BAZ1B: variants seen among roughly 807,000 people sequenced by gnomAD.
The protein encoded by BAZ1B is bromodomain adjacent to zinc finger domain 1B.
A neutral mutation model predicts 153.8 loss-of-function variants in BAZ1B; 22 were observed. The observed-to-expected ratio is 0.14, with a 90% CI of 0.10 to 0.20. BAZ1B has a LOEUF of 0.20. Ranked by LOEUF, BAZ1B falls within the 10% of genes least tolerant of loss-of-function variation. The pLI is 1.00. For missense variants in BAZ1B, 1,325 were observed against 1,799.3 expected, an observed-to-expected ratio of 0.74 and a Z score of 4.77; for synonymous variants, 676 against 633.4, an observed-to-expected ratio of 1.07 and a Z score of -1.01.
intron 17 of BAZ1B, among the ~76,000 whole-genome samples, chr7:73,443,388 G>T (rs1787702504): frequency 6.6e-6 from 1 of 151,708 alleles, no homozygotes; most frequent in African/African-American, 2.4e-5. Context: ...CATAACAAAA[G>T]CTGTGATTCA....
chr7:73,496,135 GAAGT>G (rs1408009107), intron 4 of BAZ1B, among the ~76,000 whole-genome samples: 2 of 152,192 alleles, frequency 1.3e-5, no homozygotes, highest in East Asian at 3.8e-4. Flanking sequence ...TATAGAGGCA[GAAGT>G]AAGACCACAA....
intron 10 of BAZ1B, 71 bp from the exon 11 acceptor site, chr7:73,465,608 G>T: frequency 1.0e-6 from 1 of 973,932 alleles, no homozygotes; most frequent in Non-Finnish European, 1.5e-6. Flanking sequence ...CTAAGCAAGG[G>T]ATCTAGAGTT....
intron 5 of BAZ1B, among the ~76,000 whole-genome samples, chr7:73,490,109 A>C (rs1481253229): frequency 1.3e-5 from 2 of 152,282 alleles, no homozygotes; most frequent in East Asian, 1.9e-4. Flanking sequence ...AATTCATCAG[A>C]ATCATCTAGG....
At position 73,492,054 on chromosome 7, in the gene BAZ1B, G is replaced by A. The variant is rs564717045; in HGVS notation, c.693+746C>T. Among the ~76,000 whole-genome samples the A allele has an allele frequency of 1.3e-4, 20 of 149,940 alleles. 1 individual carries two copies. Among genetic ancestry groups the A allele is most frequent in the Admixed American group, 1.0e-3 (15 of 14,972 alleles). On this transcript the variant is annotated intron_variant, in intron 5 of 19. Transcript: ENST00000339594. ...GTTGCCCAGGCTGGAGTGCAGGGGCGCAATCTCAACTCACTGCAACCTCCG... is the reference window on the plus strand; with the variant it reads ...GTTGCCCAGGCTGGAGTGCAGGGGCACAATCTCAACTCACTGCAACCTCCG...
chr7:73,511,010 G>A (rs1268741708), intron 1 of BAZ1B, among the ~76,000 whole-genome samples, 158 bp from the exon 2 acceptor site: 14 of 152,142 alleles, frequency 9.2e-5, no homozygotes, highest in Non-Finnish European at 1.3e-4. Context: ...AGTGGTTCAC[G>A]CCTGTAATCC....
intron 4 of BAZ1B, among the ~76,000 whole-genome samples, chr7:73,497,695 G>A (rs1314298285): frequency 2.7e-5 from 4 of 149,124 alleles, no homozygotes; most frequent in African/African-American, 1.0e-4. Context: ...TGGGTTAAGT[G>A]CCATAAAAAA....
At chr7:73,495,750 G>A (rs968812237) in intron 4 of BAZ1B, among the ~76,000 whole-genome samples, 12 of 152,298 alleles carry the variant, frequency 7.9e-5, no homozygotes, top group African/African-American at 2.6e-4. Context: ...TGAAGCTGGA[G>A]GCTATTATCC....
chr7:73,442,766 G>T lies in BAZ1B; in HGVS notation c.4053C>A (p.Ile1351=). 1 of 1,614,214 alleles carries T rather than the reference G, an allele frequency of 6.2e-7. No individual in the cohort carries two copies. Among genetic ancestry groups the T allele is most frequent in the Non-Finnish European group, 8.5e-7 (1 of 1,180,030 alleles). The change falls in exon 18 of 20, where the codon ATC becomes ATA. Residue 1351 remains isoleucine, a synonymous_variant. Coordinates refer to ENST00000339594, the MANE Select transcript of BAZ1B (RefSeq NM_032408.4). ...QSLELQKCEE[I]LHKIVKYRFS... is the part of the protein sequence containing the mutation. ...AGCGGTACTTCACGATCTTGTGGAG[G>T]ATCTCTTCACACTTCTGCAGCTCCA...
At chr7:73,488,714 C>CAAAAAAAAAAAAAAAAAAAA (rs35812071) in intron 6 of BAZ1B, among the ~76,000 whole-genome samples, 1 of 59,266 alleles carries the variant, frequency 1.7e-5, no homozygotes, top group Non-Finnish European at 3.5e-5. Context: ...GACTCCAACT[C>CAAAAAAAAAAAAAAAAAAAA]AAAAAAAAAA....
At chr7:73,443,019 G>C (rs1286832583) in intron 17 of BAZ1B, among the ~76,000 whole-genome samples, 191 bp from the exon 18 acceptor site, 15 of 152,290 alleles carry the variant, frequency 9.8e-5, no homozygotes, top group Admixed American at 2.6e-4. Flanking sequence ...CTTCCCAGTA[G>C]TCCACTCACT....
At chr7:73,445,680 G>A (rs1787807246) in intron 16 of BAZ1B, among the ~76,000 whole-genome samples, 1 of 152,066 alleles carries the variant, frequency 6.6e-6, no homozygotes, top group Non-Finnish European at 1.5e-5. Context: ...AGACCAGCCT[G>A]GGAAACATGG....
At chr7:73,514,589 C>T (rs187577479) in intron 1 of BAZ1B, among the ~76,000 whole-genome samples, 3 of 150,662 alleles carry the variant, frequency 2.0e-5, no homozygotes, top group Admixed American at 6.6e-5. Flanking sequence ...GCACGAACAT[C>T]GCTCAAGCCC....
chr7:73,485,256 C>T lies in BAZ1B; in HGVS notation c.891+3938G>A, dbSNP rs545661912. Among the ~76,000 whole-genome samples, 12 of 152,026 alleles carry T rather than the reference C, an allele frequency of 7.9e-5. No homozygotes were observed. In the South Asian group the frequency reaches 2.5e-3, roughly 32 times the overall value. ...CAATGTTTTTAAGAAATTCATATTC[C>T]AGTATTCTGTAAAAGGGCATCCTGT... On this transcript the variant is annotated intron_variant, in intron 6 of 19. Transcript: ENST00000339594.
intron 16 of BAZ1B, among the ~76,000 whole-genome samples, chr7:73,446,481 G>A (rs1168048790): frequency 1.4e-5 from 2 of 147,292 alleles, no homozygotes; most frequent in African/African-American, 5.1e-5. Context: ...GGAGGCTGAG[G>A]CAGAGACTGA....
At chr7:73,464,634 G>A (rs899904559) in intron 11 of BAZ1B, among the ~76,000 whole-genome samples, 1 of 152,126 alleles carries the variant, frequency 6.6e-6, no homozygotes, top group East Asian at 1.9e-4. Flanking sequence ...ATGTTTTCTA[G>A]GTTCATTCAT....
At chr7:73,463,705 CT>C (rs1216217905) in intron 11 of BAZ1B, among the ~76,000 whole-genome samples, 50 of 147,338 alleles carry the variant, frequency 3.4e-4, no homozygotes, top group South Asian at 4.3e-4. Context: ...TTTCCTTTGT[CT>C]TTTTTTTTTT....
intron 7 of BAZ1B, among the ~76,000 whole-genome samples, chr7:73,473,095 C>T (rs1788874858): frequency 6.6e-6 from 1 of 152,128 alleles, no homozygotes; most frequent in Non-Finnish European, 1.5e-5. Flanking sequence ...GCATGCGCCA[C>T]CATGCCAGGC....
intron 13 of BAZ1B, among the ~76,000 whole-genome samples, chr7:73,458,858 C>T (rs569511777): frequency 3.7e-4 from 56 of 152,154 alleles, no homozygotes; most frequent in African/African-American, 1.2e-3. Context: ...CAAATCACCG[C>T]ATACCAGCTT....
At chr7:73,459,205 AC>A (rs1788306732) in intron 13 of BAZ1B, among the ~76,000 whole-genome samples, 1 of 151,096 alleles carries the variant, frequency 6.6e-6, no homozygotes, top group Non-Finnish European at 1.5e-5. Context: ...CTGAGATTGC[AC>A]CACTGCACTC....
Sources: allele counts gnomAD v4.1 joint callset (sites outside exome capture counted in the v4.1 genomes callset), GRCh38; gene constraint gnomAD v4.1.1; transcripts MANE v1.5; gene names NCBI Gene and HGNC (gene_info 2026-07-23, HGNC 2026-07-21).